NEDD4: variants seen among roughly 807,000 people sequenced by gnomAD.
NEDD4 encodes NEDD4 E3 ubiquitin protein ligase, also known as E3 ubiquitin-protein ligase NEDD4.
In NEDD4, 99 loss-of-function variants were observed where a neutral mutation model predicts 144.9. The ratio of observed to expected loss-of-function variants is 0.68; its 90% CI spans 0.58 to 0.81. The LOEUF (loss-of-function observed/expected upper bound fraction) is 0.81, where lower values mean the gene tolerates loss of function less well. Ranked by LOEUF, NEDD4 falls within the 30% of genes least tolerant of loss-of-function variation. NEDD4 has a pLI of 0.00. For synonymous variants in NEDD4, 318 were observed against 350.6 expected (o/e 0.91, Z 1.04); for missense variants, 985 against 1,065.9 (o/e 0.92, Z 1.06).
intron 1 of NEDD4, among the ~76,000 whole-genome samples, chr15:55,985,255 A>T (rs181901971): frequency 6.6e-6 from 1 of 152,400 alleles, no homozygotes; most frequent in Non-Finnish European, 1.5e-5. Context: ...TTCCTGGCGC[A>T]GAGCAGTCAA....
Position 55,848,266 on chromosome 15 carries a change from A to G in NEDD4, c.1542+106T>C, listed in dbSNP as rs1486622514. On this transcript the variant is annotated intron_variant, in intron 17 of 28. Coordinates refer to ENST00000435532, the MANE Select transcript of NEDD4 (RefSeq NM_006154.4). The stretch of plus-strand genomic sequence containing the variant: ...AATGGGGGAGAGGAGAGAACGGCCA[A>G]TGTGCTTTCCTCTCAATGCCTGTAG... 9.6e-6 allele frequency: 10 copies of G among 1,039,464 alleles called. No homozygotes were observed. The African/African-American group carries it at 1.4e-4, about 15-fold the overall frequency. The allele number at this position is 1,039,464 out of a possible 1,614,324, so 64.4% of individuals were successfully genotyped here.
chr15:55,902,853 T>C (rs2035954744), intron 5 of NEDD4, among the ~76,000 whole-genome samples: 1 of 151,920 alleles, frequency 6.6e-6, no homozygotes, highest in South Asian at 2.1e-4. Context: ...TGAGAGAAAT[T>C]AGGTCAGCAT....
At chr15:55,908,717 C>G (rs2036178408) in intron 5 of NEDD4, among the ~76,000 whole-genome samples, 1 of 152,124 alleles carries the variant, frequency 6.6e-6, no homozygotes, top group Admixed American at 6.6e-5. Context: ...TCTTAATAAG[C>G]CATTCTCTAA....
At chr15:55,931,383 T>C (rs2036778313) in intron 4 of NEDD4, among the ~76,000 whole-genome samples, 1 of 152,208 alleles carries the variant, frequency 6.6e-6, no homozygotes, top group African/African-American at 2.4e-5. Context: ...TAAGCCCTTT[T>C]ATACTATCTC....
chr15:55,848,732 A>G (rs1323577750), intron 15 of NEDD4, 74 bp downstream of exon 15: 1 of 1,388,096 alleles, frequency 7.2e-7, no homozygotes, highest in East Asian at 2.3e-5. Context: ...TAGATGATAA[A>G]GAAATACTAT....
chr15:55,898,921 G>A (rs1474095571), intron 5 of NEDD4, among the ~76,000 whole-genome samples: 7 of 152,150 alleles, frequency 4.6e-5, no homozygotes, highest in Non-Finnish European at 2.9e-5. Flanking sequence ...GCTTACAGGC[G>A]TGAGCCACTG....
At chr15:55,865,926 G>A (rs1412152605) in intron 8 of NEDD4, among the ~76,000 whole-genome samples, 7 of 148,042 alleles carry the variant, frequency 4.7e-5, no homozygotes, top group Non-Finnish European at 3.0e-5. Context: ...GTCTGGAGGG[G>A]AATTTCTCTC....
chr15:55,849,557 GCTAT>G (rs1323008513), intron 14 of NEDD4, among the ~76,000 whole-genome samples: 1 of 152,042 alleles, frequency 6.6e-6, no homozygotes, highest in African/African-American at 2.4e-5. Flanking sequence ...CATTTTGCCA[GCTAT>G]CTGTTCAAGG....
chr15:55,856,276 A>G (rs2034191674), intron 11 of NEDD4, 80 bp from the exon 12 acceptor site: 2 of 1,228,040 alleles, frequency 1.6e-6, no homozygotes, highest in Non-Finnish European at 2.4e-6. Flanking sequence ...TAGTGAGGGT[A>G]AATATGACAG....
chr15:55,949,980 T>C (rs1239175034), intron 4 of NEDD4, among the ~76,000 whole-genome samples: 3 of 151,240 alleles, frequency 2.0e-5, no homozygotes, highest in African/African-American at 7.3e-5. Flanking sequence ...CATATGTTTC[T>C]AAGAAAAATG....
chr15:55,971,555 G>C (rs56109562), intron 1 of NEDD4, among the ~76,000 whole-genome samples: 12,511 of 147,182 alleles, frequency 0.085, 639 homozygotes, highest in Middle Eastern at 0.17. Context: ...AATCTGGGAG[G>C]CAGAGGCTGC....
At chr15:55,983,303 TGCGC>T (rs111359928) in intron 1 of NEDD4, among the ~76,000 whole-genome samples, 22 of 151,512 alleles carry the variant, frequency 1.5e-4, no homozygotes, top group Admixed American at 8.6e-4. Flanking sequence ...TGTGTGTGCG[TGCGC>T]GCGCGTGCGT....
intron 24 of NEDD4, among the ~76,000 whole-genome samples, chr15:55,834,996 T>C (rs986927032): frequency 6.6e-6 from 1 of 152,200 alleles, no homozygotes; most frequent in Non-Finnish European, 1.5e-5. Context: ...GTCATCTCAC[T>C]AGATCTCTTT....
intron 14 of NEDD4, among the ~76,000 whole-genome samples, chr15:55,849,269 G>T (rs2033881583): frequency 6.6e-6 from 1 of 152,074 alleles, no homozygotes; most frequent in African/African-American, 2.4e-5. Context: ...TTGTCGCCCA[G>T]GCTGGAGTAC....
chr15:55,876,943 G>A (rs1347505328), intron 5 of NEDD4, among the ~76,000 whole-genome samples: 6 of 150,608 alleles, frequency 4.0e-5, no homozygotes, highest in Non-Finnish European at 7.4e-5. Context: ...GGGCTCAAGC[G>A]AGTCTCCTGC....
At chr15:55,910,697 C>A (rs1371614745) in intron 5 of NEDD4, among the ~76,000 whole-genome samples, 2 of 152,150 alleles carry the variant, frequency 1.3e-5, no homozygotes, top group African/African-American at 2.4e-5. Flanking sequence ...TACTTGAAAA[C>A]AGCACTATCA....
chr15:55,985,615 T>C (rs1451286719), intron 1 of NEDD4, among the ~76,000 whole-genome samples: 1 of 152,174 alleles, frequency 6.6e-6, no homozygotes, highest in African/African-American at 2.4e-5. Flanking sequence ...AAAAGGTACT[T>C]ATGGCTATAA....
chr15:55,874,015 G>A lies in NEDD4; in HGVS notation c.292-7C>T. The A allele has an allele frequency of 2.0e-6, 3 of 1,487,654 alleles. No homozygotes were observed. Among genetic ancestry groups the A allele is most frequent in the Non-Finnish European group, 1.8e-6 (2 of 1,094,616 alleles). 92.2% of individuals were successfully genotyped at this position (1,487,654 alleles called of 1,614,324 possible). On this transcript the variant is annotated splice_region_variant and splice_polypyrimidine_tract_variant and intron_variant, in intron 5 of 28. Transcript: ENST00000435532. ...CTAGGAAATCATCTCTTGTCTATAA[G>A]AGAAGGAAGAAAAAATATAATTAGT...
chr15:55,939,149 T>C (rs2142269385), intron 4 of NEDD4, among the ~76,000 whole-genome samples: 1 of 151,602 alleles, frequency 6.6e-6, no homozygotes, highest in East Asian at 1.9e-4. Flanking sequence ...CCACCAACAA[T>C]AATATGGTTT....
Sources: allele counts gnomAD v4.1 joint callset (sites outside exome capture counted in the v4.1 genomes callset), GRCh38; gene constraint gnomAD v4.1.1; transcripts MANE v1.5; gene names NCBI Gene and HGNC (gene_info 2026-07-23, HGNC 2026-07-21).